LINGO2: variants seen among roughly 807,000 people sequenced by gnomAD.
The protein encoded by LINGO2 is leucine rich repeat and Ig domain containing 2.
A neutral mutation model predicts 30.6 loss-of-function variants in LINGO2; 14 were observed. That is an observed-to-expected ratio of 0.46 (90% CI 0.30 to 0.72). LINGO2 has a LOEUF of 0.72. Among genes scored for constraint, LINGO2 ranks in the 30% least tolerant of loss-of-function variants. The pLI is 0.07. For synonymous variants in LINGO2, 317 were observed against 288.5 expected (o/e 1.10, Z -1.00); for missense variants, 729 against 751.7 (o/e 0.97, Z 0.35).
the LINGO2 span, among the ~76,000 whole-genome samples, chr9:29,154,451 A>AC: frequency 9.4e-6 from 1 of 106,332 alleles, no homozygotes; most frequent in Non-Finnish European, 2.2e-5. Flanking sequence ...CTCCGTCTCA[A>AC]AAAAAAAAAA....
At chr9:28,506,142 C>T (rs1312326626) in intron 1 of LINGO2, among the ~76,000 whole-genome samples, 3 of 150,988 alleles carry the variant, frequency 2.0e-5, no homozygotes, top group African/African-American at 2.4e-5. Context: ...AGCAACATAC[C>T]ATCTCAAATA....
At chr9:28,773,157 A>C in the LINGO2 span, among the ~76,000 whole-genome samples, 1 of 152,094 alleles carries the variant, frequency 6.6e-6, no homozygotes, top group Non-Finnish European at 1.5e-5. Flanking sequence ...CGACGTCAGG[A>C]GATCGAGACT....
At chr9:28,823,130 T>C in the LINGO2 span, among the ~76,000 whole-genome samples, 2 of 152,138 alleles carry the variant, frequency 1.3e-5, no homozygotes, top group Non-Finnish European at 2.9e-5. Context: ...TGAAATCAGG[T>C]CCATTTGGCT....
chr9:28,040,314 A>T (rs1158731291), intron 4 of LINGO2, among the ~76,000 whole-genome samples: 1 of 152,126 alleles, frequency 6.6e-6, no homozygotes, highest in Non-Finnish European at 1.5e-5. Flanking sequence ...AGCCTTCACT[A>T]CTAAAAATAA....
intron 5 of LINGO2, among the ~76,000 whole-genome samples, chr9:27,984,269 C>T (rs1204065134): frequency 6.6e-6 from 1 of 151,840 alleles, no homozygotes; most frequent in Non-Finnish European, 1.5e-5. Flanking sequence ...CTTACAACAA[C>T]CATTGGCTTC....
At chr9:28,734,428 A>G in the LINGO2 span, among the ~76,000 whole-genome samples, 1 of 152,172 alleles carries the variant, frequency 6.6e-6, no homozygotes, top group African/African-American at 2.4e-5. Context: ...TTTGGACCTC[A>G]GTTGACGGCA....
chr9:28,878,977 G>A, the LINGO2 span, among the ~76,000 whole-genome samples: 5 of 152,256 alleles, frequency 3.3e-5, no homozygotes, highest in African/African-American at 1.2e-4. Context: ...AGTGTTGGAA[G>A]TTCTGGCCAG....
intron 5 of LINGO2, among the ~76,000 whole-genome samples, chr9:27,973,026 A>G (rs1351947999): frequency 6.6e-6 from 1 of 152,112 alleles, no homozygotes; most frequent in African/African-American, 2.4e-5. Context: ...ATTCTCTGAT[A>G]TGGGAGCTCC....
rs543028579 is a variant in LINGO2, at chr9:28,186,336, G to A, written c.-87+108872C>T. On this transcript the variant is annotated intron_variant, in intron 4 of 5. Transcript: ENST00000379992. ...ACAAAAAGTAGATCGATTGGCCCAG[G>A]GTCTGTTTAAGTTAAAGTAATTATA... is the stretch of plus-strand genomic sequence containing the variant. 4.6e-5 allele frequency among the ~76,000 whole-genome samples: 7 copies of A among 152,142 alleles called. No homozygotes were observed. The South Asian group carries it at 8.3e-4, about 18-fold the overall frequency.
At chr9:27,994,622 G>A (rs181712580) in intron 5 of LINGO2, among the ~76,000 whole-genome samples, 33 of 152,250 alleles carry the variant, frequency 2.2e-4, no homozygotes, top group Non-Finnish European at 2.9e-5. Flanking sequence ...AACGTAGTTC[G>A]ATGCATGCCT....
intron 2 of LINGO2, among the ~76,000 whole-genome samples, chr9:28,435,782 C>T (rs562860884): frequency 5.6e-4 from 86 of 152,228 alleles, no homozygotes; most frequent in African/African-American, 2.0e-3. Context: ...CCATGTGAGA[C>T]TGCAGTTATT....
In LINGO2 at chr9:28,549,665, G is replaced by A. The variant is rs1587841210; in HGVS notation, c.-364-73640C>T. The stretch of plus-strand genomic sequence containing the variant: ...TTAGTATTTTTTTTTACTAATAGTA[G>A]TATCTTTTTAAATGATAGTCACAGA... On this transcript the variant is annotated intron_variant, in intron 1 of 5. Coordinates refer to ENST00000379992, the Ensembl canonical transcript of LINGO2. Among the ~76,000 whole-genome samples the A allele has an allele frequency of 1.3e-5, 2 of 151,670 alleles. 1 individual carries two copies. The highest frequency in any genetic ancestry group is 4.1e-4 in the South Asian group (2 of 4,826).
At chr9:28,495,965 G>A (rs1439756951) in intron 1 of LINGO2, among the ~76,000 whole-genome samples, 1 of 152,038 alleles carries the variant, frequency 6.6e-6, no homozygotes, top group African/African-American at 2.4e-5. Context: ...GTAGTTGAGT[G>A]GTTTTGAGTG....
chr9:29,130,285 A>C, the LINGO2 span, among the ~76,000 whole-genome samples: 64,700 of 151,894 alleles, frequency 0.43, 13,856 homozygotes, highest in East Asian at 0.54. Flanking sequence ...TATAATGGTT[A>C]TCTTAAAGAA....
chr9:27,942,255 T>C, the LINGO2 span: 1 of 152,192 alleles, frequency 6.6e-6, no homozygotes, highest in Non-Finnish European at 1.5e-5. Flanking sequence ...CTGCTTCATC[T>C]CTGACAGTAT....
At chr9:28,018,758 A>C (rs750058890) in intron 4 of LINGO2, among the ~76,000 whole-genome samples, 1 of 152,220 alleles carries the variant, frequency 6.6e-6, no homozygotes, top group Non-Finnish European at 1.5e-5. Flanking sequence ...AATGTAAATT[A>C]GTTCAGCTAT....
the LINGO2 span, among the ~76,000 whole-genome samples, chr9:28,819,127 T>C: frequency 2.6e-5 from 4 of 152,148 alleles, no homozygotes; most frequent in Non-Finnish European, 5.9e-5. Context: ...CAGCAGCCTG[T>C]TCTCAGTCTT....
At chr9:28,342,437 T>C (rs891019914) in intron 3 of LINGO2, among the ~76,000 whole-genome samples, 1 of 152,102 alleles carries the variant, frequency 6.6e-6, no homozygotes, top group African/African-American at 2.4e-5. Flanking sequence ...ACAATTCTAG[T>C]CTCAGTCATG....
intron 4 of LINGO2, among the ~76,000 whole-genome samples, chr9:28,103,130 A>C (rs936562809): frequency 2.0e-5 from 3 of 152,160 alleles, no homozygotes; most frequent in Non-Finnish European, 4.4e-5. Context: ...ATTAGTACAA[A>C]TTTCTGTTAA....
Sources: gnomAD v4.1 joint callset for allele counts (sites outside exome capture counted in the v4.1 genomes callset) on GRCh38, gnomAD v4.1.1 for gene constraint, MANE v1.5 for transcripts, NCBI Gene and HGNC (gene_info 2026-07-23, HGNC 2026-07-21) for gene names.